Variants in SIX1 observed in about 807,000 individuals in gnomAD.
SIX1 encodes the protein SIX homeobox 1, also known as homeobox protein SIX1.
SIX1 carries 11 observed loss-of-function variants against 26.5 expected under a neutral mutation model. The ratio of observed to expected loss-of-function variants is 0.41; its 90% CI spans 0.26 to 0.69. The LOEUF (loss-of-function observed/expected upper bound fraction) is 0.69. SIX1 is among the 30% of genes least tolerant of loss of function. The probability of loss-of-function intolerance (pLI) is 0.28; values close to 1 mark genes in which losing one functional copy is unlikely to be tolerated. For missense variants in SIX1, 333 were observed against 365.9 expected (o/e 0.91, Z 0.73); for synonymous variants, 177 against 166.2 (o/e 1.06, Z -0.50).
In SIX1 at chr14:60,646,259, T is replaced by A. The variant is rs778176231; in HGVS notation, c.*24A>T. 16 of 1,607,720 alleles carry A rather than the reference T, an allele frequency of 1.0e-5. No individual in the cohort carries two copies. The Admixed American group carries it at 2.7e-4, about 27-fold the overall frequency. On this transcript the variant is annotated 3_prime_UTR_variant, in exon 2 of 2. Coordinates refer to ENST00000645694, the MANE Select transcript of SIX1 (RefSeq NM_005982.4). Reference sequence around the variant, plus strand: ...CAGTGGTTGCTGCTCCAGGAATCCCTTCGAGGCCCCAGTCCCTCCCCACTT... The same window carrying A: ...CAGTGGTTGCTGCTCCAGGAATCCCATCGAGGCCCCAGTCCCTCCCCACTT...
Position 60,648,515 on chromosome 14 carries a change from CGG to C in SIX1, c.560+113_560+114del, listed in dbSNP as rs561702021. 122 of 1,047,770 alleles carry C rather than the reference CGG, an allele frequency of 1.2e-4. 1 individual carries two copies. The South Asian group carries it at 1.7e-3, about 15-fold the overall frequency. The allele number at this position is 1,047,770 out of a possible 1,614,324, so 64.9% of individuals were successfully genotyped here. The stretch of plus-strand genomic sequence containing the variant: ...GAGGGCCTGCGCGCCGCCCCGTGGA[CGG>C]GCTCCGGCCGGCGGGGAGGACTTGG... On this transcript the variant is annotated intron_variant, in intron 1 of 1. Coordinates refer to ENST00000645694, the MANE Select transcript of SIX1 (RefSeq NM_005982.4). This position sits in a 1 kb window ranked among gnomAD's most constrained non-coding sequence, Gnocchi z 7.9.
chr14:60,647,085 C>A lies in SIX1; in HGVS notation c.561-508G>T, dbSNP rs1190300111. Among the ~76,000 whole-genome samples, 1 of 152,106 alleles carries A rather than the reference C, an allele frequency of 6.6e-6. No homozygotes were observed. Among genetic ancestry groups the A allele is most frequent in the Admixed American group, 6.5e-5 (1 of 15,274 alleles). ...CATATGAGGAGACAATTAAACATCCCGTTTTCCTGCCCCAGCCCAGAGTTG... is the reference window on the plus strand; with the variant it reads ...CATATGAGGAGACAATTAAACATCCAGTTTTCCTGCCCCAGCCCAGAGTTG... On this transcript the variant is annotated intron_variant, in intron 1 of 1. Coordinates refer to ENST00000645694, the MANE Select transcript of SIX1 (RefSeq NM_005982.4). The surrounding 1 kb of genome is among the most constrained non-coding windows in gnomAD (Gnocchi z 5.1).
Position 60,649,207 on chromosome 14 carries a change from G to A in SIX1, c.-18C>T. The A allele has an allele frequency of 1.2e-6, 2 of 1,601,946 alleles. No individual in the cohort carries two copies. Among genetic ancestry groups the A allele is most frequent in the Non-Finnish European group, 1.7e-6 (2 of 1,179,024 alleles). On this transcript the variant is annotated 5_prime_UTR_variant, in exon 1 of 2. Transcript: ENST00000645694. The surrounding 1 kb of genome is among the most constrained non-coding windows in gnomAD (Gnocchi z 5.1). ...ATCGACATGGCTGGGGCCTGCCGGGGCGCACGGCCCAGGCGCACGCGGCAG... is the reference window on the plus strand; with the variant it reads ...ATCGACATGGCTGGGGCCTGCCGGGACGCACGGCCCAGGCGCACGCGGCAG...
intron 1 of SIX1, among the ~76,000 whole-genome samples, chr14:60,646,929 A>AT (rs935385390): frequency 6.6e-6 from 1 of 152,288 alleles, no homozygotes; most frequent in African/African-American, 2.4e-5. Context: ...ATTTAAATAC[A>AT]TATAAACTAG....
chr14:60,646,109 C>G lies in SIX1; in HGVS notation c.*174G>C, dbSNP rs1310180477. The stretch of plus-strand genomic sequence containing the variant: ...GAGAAGAGGAGATTAAGCTTGAGAT[C>G]GCTGTTGGTTTTGATTTTTAAAAAG... On this transcript the variant is annotated 3_prime_UTR_variant, in exon 2 of 2. Transcript: ENST00000645694. 1.7e-6 allele frequency: 1 copy of G among 595,846 alleles called. No homozygotes were observed. The highest frequency in any genetic ancestry group is 1.9e-5 in the African/African-American group (1 of 53,482). The allele number at this position is 595,846 out of a possible 1,614,324, so 36.9% of individuals were successfully genotyped here. A position where few individuals can be genotyped will look rare whatever the true frequency, so the allele number is the denominator to read the frequency against.
Position 60,649,323 on chromosome 14 carries a change from C to T in SIX1, c.-134G>A. The T allele has an allele frequency of 1.3e-6, 1 of 759,762 alleles. No homozygotes were observed. The highest frequency in any genetic ancestry group is 2.1e-6 in the Non-Finnish European group (1 of 476,918). 47.1% of individuals were successfully genotyped at this position (759,762 alleles called of 1,614,324 possible). On this transcript the variant is annotated 5_prime_UTR_variant, in exon 1 of 2. Transcript: ENST00000645694. This position sits in a 1 kb window ranked among gnomAD's most constrained non-coding sequence, Gnocchi z 5.1. ...TCCTTAGGCTTTGCAAAGGCGAAAA[C>T]CGGAGTCGGAACTTGGCGGTGGGCG...
chr14:60,645,935 G>GA lies in SIX1; in HGVS notation c.*347dup, dbSNP rs1344157919. The GA allele has an allele frequency of 4.5e-5, 8 of 178,378 alleles. No individual in the cohort carries two copies. The highest frequency in any genetic ancestry group is 5.7e-5 in the Non-Finnish European group (5 of 87,358). 11.0% of individuals were successfully genotyped at this position (178,378 alleles called of 1,614,324 possible). A position where few individuals can be genotyped will look rare whatever the true frequency, so the allele number is the denominator to read the frequency against. On this transcript the variant is annotated 3_prime_UTR_variant, in exon 2 of 2. Transcript: ENST00000645694. The surrounding 1 kb of genome is among the most constrained non-coding windows in gnomAD (Gnocchi z 4.6). ...AGTTGATTTGCAATTCCCATTCATT[G>GA]AAAAAAAAGAAAGGCTGCTGAAACA... is the stretch of plus-strand genomic sequence containing the variant.
intron 1 of SIX1, among the ~76,000 whole-genome samples, chr14:60,646,905 G>C (rs1894953025): frequency 6.6e-6 from 1 of 152,116 alleles, no homozygotes; most frequent in Admixed American, 6.5e-5. Context: ...TTTAAATTTT[G>C]TTCAAGCAGT....
rs562192751 is a variant in SIX1 at position 60,644,513 on chromosome 14, T to C, written c.*1770A>G. 2.1e-5 allele frequency: 3 copies of C among 145,926 alleles called. No homozygotes were observed. In the East Asian group the frequency reaches 6.0e-4, roughly 29 times the overall value. 9.0% of individuals were successfully genotyped at this position (145,926 alleles called of 1,614,324 possible). A position where few individuals can be genotyped will look rare whatever the true frequency, so the allele number is the denominator to read the frequency against. ...TTGACAGTTTTAAAAAATAAGGCCTTGATTTCCCCAAGCACACCTCAGTTT... is the reference window on the plus strand; with the variant it reads ...TTGACAGTTTTAAAAAATAAGGCCTCGATTTCCCCAAGCACACCTCAGTTT... On this transcript the variant is annotated 3_prime_UTR_variant, in exon 2 of 2. Coordinates refer to ENST00000645694, the MANE Select transcript of SIX1 (RefSeq NM_005982.4).
rs901773702 is a variant in SIX1, at chr14:60,646,637, TAA to T, written c.561-62_561-61del. On this transcript the variant is annotated intron_variant, in intron 1 of 1. Coordinates refer to ENST00000645694, the MANE Select transcript of SIX1 (RefSeq NM_005982.4). ...AAAAAAAAAAAAAAAAAAAGTAGGT[TAA>T]AAAAAAAGTGTGAGATGGAGGGAGG... The T allele has an allele frequency of 2.0e-5, 26 of 1,271,904 alleles. No homozygotes were observed. In the Admixed American group the frequency reaches 6.1e-4, roughly 30 times the overall value. The allele number at this position is 1,271,904 out of a possible 1,614,324, so 78.8% of individuals were successfully genotyped here.
rs1894981320 is a variant in SIX1, at chr14:60,648,060, T to A, written c.560+570A>T. On this transcript the variant is annotated intron_variant, in intron 1 of 1. Transcript: ENST00000645694. This position sits in a 1 kb window ranked among gnomAD's most constrained non-coding sequence, Gnocchi z 7.9. Reference sequence around the variant, plus strand: ...AGCGCCAACTCTCCCCAAAGCTCTCTTTTTGTTGTATCTTTAAAAGTCTCC... The same window carrying A: ...AGCGCCAACTCTCCCCAAAGCTCTCATTTTGTTGTATCTTTAAAAGTCTCC... Among the ~76,000 whole-genome samples the A allele has an allele frequency of 6.6e-6, 1 of 152,234 alleles. No individual in the cohort carries two copies. The highest frequency in any genetic ancestry group is 1.5e-5 in the Non-Finnish European group (1 of 68,044).
chr14:60,648,785 C>T lies in SIX1; in HGVS notation c.405G>A (p.Ser135=). Residue 135 remains serine (S), a synonymous_variant, in exon 1 of 2, where the codon TCG becomes TCA. Coordinates refer to ENST00000645694, the MANE Select transcript of SIX1 (RefSeq NM_005982.4). This position sits in a 1 kb window ranked among gnomAD's most constrained non-coding sequence, Gnocchi z 7.9. ...CGTACCACTCCCGCAGGACACCCCT[C>T]GACTTCTCCTTGAAGCAGTAGCTGG... ...EETSYCFKEK[S]RGVLREWYAH... The T allele has an allele frequency of 6.2e-7, 1 of 1,614,226 alleles. No individual in the cohort carries two copies. The highest frequency in any genetic ancestry group is 8.5e-7 in the Non-Finnish European group (1 of 1,180,032).
chr14:60,649,357 A>G lies in SIX1; in HGVS notation c.-168T>C, dbSNP rs1268229692. On this transcript the variant is annotated 5_prime_UTR_variant, in exon 1 of 2. Coordinates refer to ENST00000645694, the MANE Select transcript of SIX1 (RefSeq NM_005982.4). The surrounding 1 kb of genome is among the most constrained non-coding windows in gnomAD (Gnocchi z 5.1). Reference sequence around the variant, plus strand: ...GAACTTGGCGGTGGGCGGCCAAGGAAGAGAAGGCGGAGGAGTAGGGGAGGT... The same window carrying G: ...GAACTTGGCGGTGGGCGGCCAAGGAGGAGAAGGCGGAGGAGTAGGGGAGGT... The G allele has an allele frequency of 9.6e-6, 6 of 624,302 alleles. No individual in the cohort carries two copies. The highest frequency in any genetic ancestry group is 1.7e-5 in the Non-Finnish European group (6 of 358,134). The allele number at this position is 624,302 out of a possible 1,614,324, so 38.7% of individuals were successfully genotyped here.
rs988162619 is a variant in SIX1 at position 60,648,468 on chromosome 14, G to A, written c.560+162C>T. ...CTTAGCAAGGAACCTCAGAGTTCAT[G>A]AACTTTCGCTGCAGCGCCGCGGAGG... On this transcript the variant is annotated intron_variant, in intron 1 of 1. Transcript: ENST00000645694. This position sits in a 1 kb window ranked among gnomAD's most constrained non-coding sequence, Gnocchi z 7.9. Among the ~76,000 whole-genome samples the A allele has an allele frequency of 6.6e-6, 1 of 152,240 alleles. No individual in the cohort carries two copies. The highest frequency in any genetic ancestry group is 2.4e-5 in the African/African-American group (1 of 41,462).
In SIX1 at chr14:60,649,277, G is replaced by A; in HGVS notation, c.-88C>T. 5 of 1,242,776 alleles carry A rather than the reference G, an allele frequency of 4.0e-6. No individual in the cohort carries two copies. Among genetic ancestry groups the A allele is most frequent in the Non-Finnish European group, 4.5e-6 (4 of 886,786 alleles). The allele number at this position is 1,242,776 out of a possible 1,614,324, so 77.0% of individuals were successfully genotyped here. On this transcript the variant is annotated 5_prime_UTR_variant, in exon 1 of 2. Transcript: ENST00000645694. The surrounding 1 kb of genome is among the most constrained non-coding windows in gnomAD (Gnocchi z 5.1). ...GGGGGCGGCGGCCGCAGGGAGGGGG[G>A]CGCGGCTGTTCCTAACCTCCTCCTT...
chr14:60,646,748 G>C (rs571948467), intron 1 of SIX1, among the ~76,000 whole-genome samples, 171 bp from the exon 2 acceptor site: 1 of 152,198 alleles, frequency 6.6e-6, no homozygotes, highest in African/African-American at 2.4e-5. Context: ...ATCCCCAAGG[G>C]TAATGGGGGA....
Position 60,646,543 on chromosome 14 carries a change from T to C in SIX1, c.595A>G (p.Lys199Glu). The change falls in exon 2 of 2, where the codon AAG (lysine) becomes GAG (glutamate). Residue 199 changes from lysine (K) to glutamate (E), a missense_variant. Lys to Glu is a moderately conservative substitution (Grantham distance 56). Transcript: ENST00000645694. ...TCCAGAGGAGAGAGTTGGTTCTGCT[T>C]GTTGGAGGAGGAGTTATTGTTTTCG... Reference protein sequence around the residue: ...NTENNNSSSNKQNQLSPLEGG... With the variant: ...NTENNNSSSNEQNQLSPLEGG... The C allele has an allele frequency of 6.2e-7, 1 of 1,611,200 alleles. No homozygotes were observed. Among genetic ancestry groups the C allele is most frequent in the Non-Finnish European group, 8.5e-7 (1 of 1,179,628 alleles).
chr14:60,644,164 GCTAT>G lies in SIX1; in HGVS notation c.*2115_*2118del, dbSNP rs1894902549. The stretch of plus-strand genomic sequence containing the variant: ...TTGAAGCCTGTCAGGGTCATTGAAA[GCTAT>G]CTTTGTGCAGGGTGTTTGTTTTGGG... On this transcript the variant is annotated 3_prime_UTR_variant, in exon 2 of 2. Coordinates refer to ENST00000645694, the MANE Select transcript of SIX1 (RefSeq NM_005982.4). 6.6e-6 allele frequency: 1 copy of G among 152,258 alleles called. No homozygotes were observed. The highest frequency in any genetic ancestry group is 6.5e-5 in the Admixed American group (1 of 15,288). The allele number at this position is 152,258 out of a possible 1,614,324, so 9.4% of individuals were successfully genotyped here. A position where few individuals can be genotyped will look rare whatever the true frequency, so the allele number is the denominator to read the frequency against.
In SIX1 at chr14:60,643,728, C is replaced by G. The variant is rs886657685; in HGVS notation, c.*2555G>C. ...CTTTCTCGCCTCCTCCTGCTCGCCCCTTTTACCCAGACTGAGCCGAGGATG... is the reference window on the plus strand; with the variant it reads ...CTTTCTCGCCTCCTCCTGCTCGCCCGTTTTACCCAGACTGAGCCGAGGATG... On this transcript the variant is annotated 3_prime_UTR_variant, in exon 2 of 2. Transcript: ENST00000645694. 6.6e-6 allele frequency: 1 copy of G among 152,196 alleles called. No homozygotes were observed. Among genetic ancestry groups the G allele is most frequent in the Admixed American group, 6.5e-5 (1 of 15,270 alleles). The allele number at this position is 152,196 out of a possible 1,614,324, so 9.4% of individuals were successfully genotyped here. A position where few individuals can be genotyped will look rare whatever the true frequency, so the allele number is the denominator to read the frequency against.
Sources: gnomAD v4.1 joint callset for allele counts (sites outside exome capture counted in the v4.1 genomes callset) on GRCh38, gnomAD v4.1.1 for gene constraint, Gnocchi (gnomAD v3.1) non-coding constraint, MANE v1.5 for transcripts, NCBI Gene and HGNC (gene_info 2026-07-23, HGNC 2026-07-21) for gene names.